The following DCUN1D3 variants were observed in gnomAD, a reference collection of about 807,000 sequenced individuals.
DCUN1D3 encodes the protein DCN1-like protein 3.
A neutral mutation model predicts 24.8 loss-of-function variants in DCUN1D3; 6 were observed. The ratio of observed to expected loss-of-function variants is 0.24; its 90% confidence interval spans 0.13 to 0.48. The LOEUF (loss-of-function observed/expected upper bound fraction) is 0.48, where lower values mean the gene tolerates loss of function less well. Ranked by LOEUF, DCUN1D3 falls within the 20% of genes least tolerant of loss-of-function variation. The pLI is 0.99. For missense variants in DCUN1D3, 258 were observed against 379.4 expected (o/e 0.68, Z 2.66); for synonymous variants, 120 against 144.9 (o/e 0.83, Z 1.24).
intron 1 of DCUN1D3, among the ~76,000 whole-genome samples, chr16:20,874,128 A>T (rs1010840246): frequency 2.0e-5 from 3 of 152,172 alleles, no homozygotes; most frequent in African/African-American, 7.2e-5. Flanking sequence ...TGTCACTCAG[A>T]TCTCTTCTAT....
chr16:20,864,029 A>G (rs2081747194), intron 1 of DCUN1D3, among the ~76,000 whole-genome samples: 1 of 152,208 alleles, frequency 6.6e-6, no homozygotes, highest in South Asian at 2.1e-4. Flanking sequence ...TTAGAAGGCA[A>G]CCTAGGCAAT....
At chr16:20,893,705 C>A (rs1460477108) in intron 1 of DCUN1D3, among the ~76,000 whole-genome samples, 6 of 152,162 alleles carry the variant, frequency 3.9e-5, no homozygotes. Context: ...GAGGGCTCCT[C>A]AAAGCCCAGC....
intron 1 of DCUN1D3, among the ~76,000 whole-genome samples, chr16:20,885,490 A>G (rs562121775): frequency 6.8e-4 from 103 of 152,268 alleles, no homozygotes; most frequent in African/African-American, 2.4e-3. Context: ...GTAGATAATA[A>G]AAGATGACAG....
chr16:20,867,012 A>T (rs1264969476), intron 1 of DCUN1D3, among the ~76,000 whole-genome samples: 1 of 152,214 alleles, frequency 6.6e-6, no homozygotes, highest in African/African-American at 2.4e-5. Context: ...TCACTAGCTG[A>T]TGGCTAACAG....
chr16:20,869,415 T>C (rs1308491413), intron 1 of DCUN1D3, among the ~76,000 whole-genome samples: 1 of 152,242 alleles, frequency 6.6e-6, no homozygotes, highest in Non-Finnish European at 1.5e-5. Flanking sequence ...TGGGGCTACA[T>C]GCTTCATATT....
chr16:20,897,887 T>G (rs770629940), intron 1 of DCUN1D3, among the ~76,000 whole-genome samples: 1 of 152,154 alleles, frequency 6.6e-6, no homozygotes, highest in Admixed American at 6.5e-5. Flanking sequence ...GCAAAAACAG[T>G]AAGTGATAAG....
chr16:20,860,054 GA>G lies in DCUN1D3; in HGVS notation c.746del (p.Phe249SerfsTer4). ...TGAGGTCAGGGCCAATCACCTGAGT[GA>G]AGTTAAGGAACATGTTCCAAGTGTC... ...SRDTWNMFLN[F>X]TQVIGPDLSN... On this transcript the variant is annotated frameshift_variant, in exon 3 of 3. Coordinates refer to ENST00000324344, the MANE Select transcript of DCUN1D3 (RefSeq NM_173475.4). LOFTEE classifies it high-confidence loss of function. This position sits in a 1 kb window ranked among gnomAD's most constrained non-coding sequence, Gnocchi z 4.3. The G allele has an allele frequency of 6.2e-7, 1 of 1,614,258 alleles. No homozygotes were observed. Among genetic ancestry groups the G allele is most frequent in the Non-Finnish European group, 8.5e-7 (1 of 1,180,042 alleles).
chr16:20,867,608 G>C (rs1291513858), intron 1 of DCUN1D3, among the ~76,000 whole-genome samples: 3 of 152,222 alleles, frequency 2.0e-5, no homozygotes, highest in African/African-American at 7.2e-5. Flanking sequence ...TAGAGCTCTT[G>C]AAAGGATTCA....
Position 20,875,884 on chromosome 16 carries a change from C to T in DCUN1D3, c.-105-13241G>A, listed in dbSNP as rs192720125. Among the ~76,000 whole-genome samples, 154 of 152,140 alleles carry T rather than the reference C, an allele frequency of 1.0e-3. No individual in the cohort carries two copies. The Middle Eastern group carries it at 0.01, about 10-fold the overall frequency. ...AAAAATCTGCAAACTATCCATCTGA[C>T]GAGGGATTAACAGCCAGAATATATA... On this transcript the variant is annotated intron_variant, in intron 1 of 2. Transcript: ENST00000324344.
At position 20,880,182 on chromosome 16, in the gene DCUN1D3, C is replaced by T. The variant is rs2081835936; in HGVS notation, c.-105-17539G>A. 3.3e-5 allele frequency among the ~76,000 whole-genome samples: 5 copies of T among 152,132 alleles called. No homozygotes were observed. The South Asian group carries it at 1.0e-3, about 31-fold the overall frequency. ...TTTATTCCCTTGGGACAAAAACATT[C>T]ATGGCTCCCAAGCAAATAGTCAAAT... On this transcript the variant is annotated intron_variant, in intron 1 of 2. Transcript: ENST00000324344.
chr16:20,897,544 C>T (rs1443198289), intron 1 of DCUN1D3, among the ~76,000 whole-genome samples: 1 of 152,138 alleles, frequency 6.6e-6, no homozygotes. Context: ...AAACTGCCTC[C>T]CTACAAAAGA....
At chr16:20,892,599 G>C (rs1596641263) in intron 1 of DCUN1D3, among the ~76,000 whole-genome samples, 2 of 152,332 alleles carry the variant, frequency 1.3e-5, no homozygotes, top group East Asian at 3.9e-4. Context: ...TTCAGAAGCT[G>C]TTCTGTCCAT....
At chr16:20,899,664 C>A (rs1212017165) in intron 1 of DCUN1D3, among the ~76,000 whole-genome samples, 1 of 152,138 alleles carries the variant, frequency 6.6e-6, no homozygotes, top group Non-Finnish European at 1.5e-5. Flanking sequence ...ACATTTGTCA[C>A]CCCGTCCCAC....
intron 1 of DCUN1D3, among the ~76,000 whole-genome samples, chr16:20,892,453 T>C (rs1190565757): frequency 2.0e-5 from 3 of 152,096 alleles, no homozygotes; most frequent in Non-Finnish European, 4.4e-5. Flanking sequence ...CACCTCCCCC[T>C]CCTGTTTAAA....
chr16:20,870,461 C>T (rs987435831), intron 1 of DCUN1D3, among the ~76,000 whole-genome samples: 28 of 152,146 alleles, frequency 1.8e-4, no homozygotes, highest in African/African-American at 6.0e-4. Flanking sequence ...AAAACAGACC[C>T]AAGTAAACTG....
intron 1 of DCUN1D3, among the ~76,000 whole-genome samples, chr16:20,872,765 C>T (rs2152517097): frequency 6.6e-6 from 1 of 152,322 alleles, no homozygotes; most frequent in African/African-American, 2.4e-5. Flanking sequence ...ATTTCACCAC[C>T]TACGGTTAAT....
intron 1 of DCUN1D3, among the ~76,000 whole-genome samples, chr16:20,899,398 G>A (rs1449137623): frequency 6.6e-6 from 1 of 152,138 alleles, no homozygotes; most frequent in African/African-American, 2.4e-5. Context: ...CATTATAATC[G>A]GAGCGTAAGA....
Position 20,857,471 on chromosome 16 carries a change from C to T in DCUN1D3, c.*2415G>A. ...TCCTGGGCTGCCTGCCTCTTTTGTG[C>T]AGCTTTCTCTGATACACTCTGATCT... is the stretch of plus-strand genomic sequence containing the variant. On this transcript the variant is annotated 3_prime_UTR_variant, in exon 3 of 3. Transcript: ENST00000324344. The T allele has an allele frequency of 6.6e-6, 1 of 152,376 alleles. No homozygotes were observed. Among genetic ancestry groups the T allele is most frequent in the Non-Finnish European group, 1.5e-5 (1 of 68,084 alleles). The allele number at this position is 152,376 out of a possible 1,614,324, so 9.4% of individuals were successfully genotyped here.
intron 1 of DCUN1D3, among the ~76,000 whole-genome samples, chr16:20,889,045 T>C (rs922750313): frequency 3.3e-5 from 5 of 152,110 alleles, no homozygotes; most frequent in Admixed American, 6.5e-5. Context: ...CTGGCCAATA[T>C]AGTGAAACCC....
Sources: allele counts gnomAD v4.1 joint callset (sites outside exome capture counted in the v4.1 genomes callset), GRCh38; gene constraint gnomAD v4.1.1; non-coding constraint Gnocchi (gnomAD v3.1); transcripts MANE v1.5; gene names NCBI Gene and HGNC (gene_info 2026-07-23, HGNC 2026-07-21).